Variants in DYNC2H1 observed in about 807,000 individuals in gnomAD.
The protein encoded by DYNC2H1 is dynein cytoplasmic 2 heavy chain 1, also known as cytoplasmic dynein 2 heavy chain 1.
A neutral mutation model predicts 570.0 loss-of-function variants in DYNC2H1; 410 were observed. The observed-to-expected ratio is 0.72, with a 90% CI of 0.66 to 0.78. The LOEUF is 0.78. DYNC2H1 is among the 30% of genes least tolerant of loss of function. DYNC2H1 has a pLI of 0.00. For missense variants in DYNC2H1, 4,865 were observed against 5,046.4 expected (o/e 0.96, Z 1.09); for synonymous variants, 1,688 against 1,677.6 (o/e 1.01, Z -0.15).
chr11:103,366,511 G>A (rs1940914323), intron 83 of DYNC2H1, among the ~76,000 whole-genome samples: 1 of 151,956 alleles, frequency 6.6e-6, no homozygotes, highest in South Asian at 2.1e-4. Context: ...AATCTTATTG[G>A]TAAGATAATA....
intron 70 of DYNC2H1, among the ~76,000 whole-genome samples, chr11:103,276,810 CCTTATTT>C (rs1332623201): frequency 8.6e-5 from 13 of 151,878 alleles, no homozygotes; most frequent in Admixed American, 1.3e-4. Context: ...CAATGACTGT[CCTTATTT>C]CTTATTAGGA....
At chr11:103,392,706 T>A (rs1403087318) in intron 83 of DYNC2H1, among the ~76,000 whole-genome samples, 2 of 151,852 alleles carry the variant, frequency 1.3e-5, no homozygotes, top group Non-Finnish European at 2.9e-5. Flanking sequence ...AAAATATACA[T>A]CATTTGATTT....
intron 59 of DYNC2H1, among the ~76,000 whole-genome samples, chr11:103,225,181 T>C (rs1462454072): frequency 6.6e-6 from 1 of 152,100 alleles, no homozygotes; most frequent in Non-Finnish European, 1.5e-5. Context: ...ATTGTGAAGA[T>C]TTTCTCCTAC....
intron 83 of DYNC2H1, among the ~76,000 whole-genome samples, chr11:103,375,722 T>C (rs926968849): frequency 1.4e-4 from 22 of 152,230 alleles, no homozygotes; most frequent in African/African-American, 5.3e-4. Flanking sequence ...TAGTAGCCAG[T>C]GTCTGTACCC....
At chr11:103,320,409 C>T (rs1565492660) in intron 80 of DYNC2H1, among the ~76,000 whole-genome samples, 1 of 151,954 alleles carries the variant, frequency 6.6e-6, no homozygotes. Flanking sequence ...CTCAAAAAAA[C>T]AAAAAACAAA....
intron 60 of DYNC2H1, among the ~76,000 whole-genome samples, chr11:103,232,318 T>G (rs1024277149): frequency 2.0e-5 from 3 of 151,964 alleles, no homozygotes; most frequent in Non-Finnish European, 4.4e-5. Flanking sequence ...AAGGTTAAAA[T>G]TATATAGTCT....
At chr11:103,235,621 T>C (rs981481308) in intron 61 of DYNC2H1, 51 bp from the exon 62 acceptor site, 4 of 1,521,892 alleles carry the variant, frequency 2.6e-6, no homozygotes, top group Non-Finnish European at 3.5e-6. Context: ...TTTTCTTTAA[T>C]GTTAGAACAT....
At chr11:103,258,123 A>G (rs1013393088) in intron 69 of DYNC2H1, among the ~76,000 whole-genome samples, 40 of 152,214 alleles carry the variant, frequency 2.6e-4, no homozygotes, top group African/African-American at 9.2e-4. Context: ...TGTTTAAGGC[A>G]GTAACTTTCC....
chr11:103,140,268 T>A (rs1014894799), intron 17 of DYNC2H1, among the ~76,000 whole-genome samples: 1 of 152,170 alleles, frequency 6.6e-6, no homozygotes, highest in African/African-American at 2.4e-5. Flanking sequence ...TGTTAGCTGG[T>A]TATTTTGCTC....
In DYNC2H1 at chr11:103,193,630, G is replaced by A. The variant is rs905874621; in HGVS notation, c.7708+1366G>A. Among the ~76,000 whole-genome samples, 8 of 151,346 alleles carry A rather than the reference G, an allele frequency of 5.3e-5. No homozygotes were observed. The East Asian group carries it at 1.4e-3, about 26-fold the overall frequency. On this transcript the variant is annotated intron_variant, in intron 47 of 88. Coordinates refer to ENST00000375735, the MANE Select transcript of DYNC2H1 (RefSeq NM_001377.3). Reference sequence around the variant, plus strand: ...GCAATCTCGGCCCACCGCAACCTCCGCCTCCCGGGTTTAACTGATTTTCCT... The same window carrying A: ...GCAATCTCGGCCCACCGCAACCTCCACCTCCCGGGTTTAACTGATTTTCCT...
intron 82 of DYNC2H1, among the ~76,000 whole-genome samples, chr11:103,346,063 A>G (rs1475096137): frequency 6.6e-6 from 1 of 152,200 alleles, no homozygotes; most frequent in African/African-American, 2.4e-5. Flanking sequence ...TCATGGCAAA[A>G]TTTTAAAAAC....
Position 103,456,438 on chromosome 11 carries a change from G to T in DYNC2H1, c.12648+82G>T, listed in dbSNP as rs7121138. 0.084 allele frequency: 93,427 copies of T among 1,112,798 alleles called. 4,360 individuals carry two copies. Among genetic ancestry groups the T allele is most frequent in the Non-Finnish European group, 0.093 (70,801 of 761,480 alleles). The allele number at this position is 1,112,798 out of a possible 1,614,324, so 68.9% of individuals were successfully genotyped here. ...GATTCTGAAATTTTGATCTCAAAGT[G>T]ACCTATCTTTATAGTGTAAGATCAG... On this transcript the variant is annotated intron_variant, in intron 87 of 88. Transcript: ENST00000375735.
chr11:103,371,628 A>G (rs908131318), intron 83 of DYNC2H1, among the ~76,000 whole-genome samples: 1 of 152,220 alleles, frequency 6.6e-6, no homozygotes, highest in African/African-American at 2.4e-5. Context: ...TGGAAGCCTT[A>G]CAGGAGAGAG....
At chr11:103,167,197 T>A (rs1861357783) in intron 31 of DYNC2H1, among the ~76,000 whole-genome samples, 1 of 152,010 alleles carries the variant, frequency 6.6e-6, no homozygotes, top group Non-Finnish European at 1.5e-5. Context: ...TCTTTCCACT[T>A]GTTTCAAAAG....
chr11:103,210,564 A>C (rs1863116162), intron 53 of DYNC2H1, among the ~76,000 whole-genome samples: 1 of 152,076 alleles, frequency 6.6e-6, no homozygotes, highest in African/African-American at 2.4e-5. Context: ...GAATTGTGTT[A>C]TATATAAACA....
intron 54 of DYNC2H1, among the ~76,000 whole-genome samples, chr11:103,214,302 G>T (rs1188949549): frequency 6.6e-6 from 1 of 151,970 alleles, no homozygotes; most frequent in African/African-American, 2.4e-5. Context: ...GGCTATTCAG[G>T]CTCTTTTGTG....
chr11:103,203,565 T>G lies in DYNC2H1; in HGVS notation c.8198-98T>G, dbSNP rs1862800723. 3 of 707,710 alleles carry G rather than the reference T, an allele frequency of 4.2e-6. No individual in the cohort carries two copies. Among genetic ancestry groups the G allele is most frequent in the Non-Finnish European group, 6.7e-6 (3 of 446,124 alleles). The allele number at this position is 707,710 out of a possible 1,614,324, so 43.8% of individuals were successfully genotyped here. A position where few individuals can be genotyped will look rare whatever the true frequency, so the allele number is the denominator to read the frequency against. ...AGAGGTAATAAAGTTTGTATATTTT[T>G]GGAAATAAAGATTGAATAAGAGCAG... On this transcript the variant is annotated intron_variant, in intron 50 of 88. Coordinates refer to ENST00000375735, the MANE Select transcript of DYNC2H1 (RefSeq NM_001377.3). The surrounding 1 kb of genome is among the most constrained non-coding windows in gnomAD (Gnocchi z 4.7).
intron 70 of DYNC2H1, among the ~76,000 whole-genome samples, chr11:103,272,186 G>A (rs866369102): frequency 6.6e-5 from 10 of 152,282 alleles, no homozygotes; most frequent in Middle Eastern, 6.8e-3. Flanking sequence ...ATGTCCATCA[G>A]TGATAGACTG....
intron 75 of DYNC2H1, among the ~76,000 whole-genome samples, chr11:103,288,389 T>G (rs2135359198): frequency 6.6e-6 from 1 of 152,224 alleles, no homozygotes; most frequent in East Asian, 1.9e-4. Context: ...TAAGCTATCC[T>G]TGTTCATTCT....
Sources: allele counts gnomAD v4.1 joint callset (sites outside exome capture counted in the v4.1 genomes callset), GRCh38; gene constraint gnomAD v4.1.1; non-coding constraint Gnocchi (gnomAD v3.1); transcripts MANE v1.5; gene names NCBI Gene and HGNC (gene_info 2026-07-23, HGNC 2026-07-21).